The following GABRA2 variants were observed in gnomAD, a reference collection of about 807,000 sequenced individuals.
The protein encoded by GABRA2 is gamma-aminobutyric acid receptor subunit alpha-2.
A neutral mutation model predicts 48.7 loss-of-function variants in GABRA2; 16 were observed. The ratio of observed to expected loss-of-function variants is 0.33; its 90% CI spans 0.22 to 0.50. The LOEUF is 0.50. Among genes scored for constraint, GABRA2 ranks in the 20% least tolerant of loss-of-function variants. The probability of loss-of-function intolerance (pLI) is 0.98; values close to 1 mark genes in which losing one functional copy is unlikely to be tolerated. For synonymous variants in GABRA2, 185 were observed against 184.5 expected, an observed-to-expected ratio of 1.00 and a Z score of -0.02; for missense variants, 275 against 535.6, an observed-to-expected ratio of 0.51 and a Z score of 4.80.
At chr4:46,250,712 T>G (rs766802774) in intron 9 of GABRA2, 108 bp from the exon 10 acceptor site, 1 of 759,550 alleles carries the variant, frequency 1.3e-6, no homozygotes, top group Non-Finnish European at 2.1e-6. Flanking sequence ...CAAATCATCA[T>G]GCATTAGCAA....
At chr4:46,296,655 G>GA (rs113049147) in intron 8 of GABRA2, among the ~76,000 whole-genome samples, 11,173 of 128,160 alleles carry the variant, frequency 0.087, 1,685 homozygotes, top group African/African-American at 0.32. Context: ...TCTATCAGGG[G>GA]GAAAAAAAAA....
intron 8 of GABRA2, among the ~76,000 whole-genome samples, chr4:46,269,039 G>A (rs1382942762): frequency 6.6e-6 from 1 of 151,804 alleles, no homozygotes; most frequent in Non-Finnish European, 1.5e-5. Context: ...AGGCTGTGAG[G>A]TCAGATAAAT....
At chr4:46,348,929 A>G (rs1734650325) in intron 3 of GABRA2, among the ~76,000 whole-genome samples, 1 of 96,882 alleles carries the variant, frequency 1.0e-5, no homozygotes, top group South Asian at 4.3e-4. Context: ...GTATAATAAT[A>G]ATAAAATTTA....
rs1006999319 is a variant in GABRA2 at position 46,247,524 on chromosome 4, A to T, written c.*2784T>A. On this transcript the variant is annotated 3_prime_UTR_variant, in exon 10 of 10. Coordinates refer to ENST00000381620, the MANE Select transcript of GABRA2 (RefSeq NM_000807.4). ...TAAATATTAGTTAAATCAGAGTAGT[A>T]GCTATAAAATAATGAGATTATATCT... Among the ~76,000 whole-genome samples the T allele has an allele frequency of 6.6e-6, 1 of 151,228 alleles. No homozygotes were observed. Among genetic ancestry groups the T allele is most frequent in the African/African-American group, 2.4e-5 (1 of 41,338 alleles).
rs142191271 is a variant in GABRA2, at chr4:46,251,176, G to A, written c.1060-572C>T. Among the ~76,000 whole-genome samples the A allele has an allele frequency of 5.4e-4, 82 of 151,442 alleles. 1 individual carries two copies. The highest frequency in any genetic ancestry group is 5.1e-3 in the East Asian group (26 of 5,098). ...CTTGGATTTTTGCTTAGCTCATCCCGTTTCACTTTATAATCTCTAGTTCCA... is the reference window on the plus strand; with the variant it reads ...CTTGGATTTTTGCTTAGCTCATCCCATTTCACTTTATAATCTCTAGTTCCA... On this transcript the variant is annotated intron_variant, in intron 9 of 9. Transcript: ENST00000381620.
At chr4:46,261,530 G>T (rs1560441965) in intron 9 of GABRA2, 3 of 255,956 alleles carry the variant, frequency 1.2e-5, no homozygotes, top group East Asian at 7.7e-5. Context: ...CAGACAGGTA[G>T]ATCGGAGTTC....
intron 3 of GABRA2, among the ~76,000 whole-genome samples, chr4:46,349,996 T>C (rs1734845580): frequency 6.6e-6 from 1 of 151,928 alleles, no homozygotes; most frequent in South Asian, 2.1e-4. Flanking sequence ...AAAAGGAATT[T>C]ACCACCTATT....
intron 3 of GABRA2, chr4:46,363,943 A>C (rs1004319623): frequency 2.0e-5 from 3 of 152,318 alleles, no homozygotes; most frequent in South Asian, 4.1e-4. Flanking sequence ...AATTGATTAA[A>C]AATGTAACAT....
chr4:46,389,463 A>T, intron 1 of GABRA2: 5 of 921,700 alleles, frequency 5.4e-6, no homozygotes, highest in Non-Finnish European at 6.5e-6. Flanking sequence ...AGGCAGCGGT[A>T]ATCACAGTGA....
rs1714002194 is a variant in GABRA2, at chr4:46,247,882, A to G, written c.*2426T>C. On this transcript the variant is annotated 3_prime_UTR_variant, in exon 10 of 10. Coordinates refer to ENST00000381620, the MANE Select transcript of GABRA2 (RefSeq NM_000807.4). ...AAAGAAGAAGAAATATGTAAAAAGT[A>G]CATCAAAGTTTAAAGAAATAACAAA... Among the ~76,000 whole-genome samples, 1 of 151,336 alleles carries G rather than the reference A, an allele frequency of 6.6e-6. No individual in the cohort carries two copies. Among genetic ancestry groups the G allele is most frequent in the African/African-American group, 2.4e-5 (1 of 41,340 alleles).
At chr4:46,256,599 G>T (rs1019561599) in intron 9 of GABRA2, among the ~76,000 whole-genome samples, 1 of 151,482 alleles carries the variant, frequency 6.6e-6, no homozygotes, top group Non-Finnish European at 1.5e-5. Flanking sequence ...CCAAGAAACT[G>T]AGAATTTGAA....
intron 4 of GABRA2, among the ~76,000 whole-genome samples, chr4:46,330,537 T>C (rs1434052478): frequency 1.4e-5 from 2 of 147,336 alleles, no homozygotes; most frequent in African/African-American, 2.5e-5. Context: ...GAAATAGATA[T>C]GTTTGCATTT....
intron 3 of GABRA2, among the ~76,000 whole-genome samples, chr4:46,362,703 AC>A (rs982353910): frequency 3.8e-4 from 58 of 152,216 alleles, no homozygotes; most frequent in African/African-American, 1.3e-3. Flanking sequence ...ATGTCTCTAA[AC>A]TTTTAATGAC....
chr4:46,296,162 G>A (rs1724621170), intron 8 of GABRA2, among the ~76,000 whole-genome samples: 1 of 152,130 alleles, frequency 6.6e-6, no homozygotes, highest in Non-Finnish European at 1.5e-5. Context: ...TCTCATATAT[G>A]ATACTGTTTT....
chr4:46,386,159 C>T lies in GABRA2; in HGVS notation c.102G>A (p.Glu34=). Residue 34 remains glutamate (E), a synonymous_variant, in exon 3 of 10, where the codon GAG becomes GAA. Transcript: ENST00000381620. ...RLVLANIQED[E]AKNNITIFTR... is the part of the protein sequence containing the mutation. Reference sequence around the variant, plus strand: ...TAAAGATGGTAATGTTATTTTTAGCCTCATCTTCTTGGATGTTAGCCAGCA... The same window carrying T: ...TAAAGATGGTAATGTTATTTTTAGCTTCATCTTCTTGGATGTTAGCCAGCA... 2 of 1,610,678 alleles carry T rather than the reference C, an allele frequency of 1.2e-6. No individual in the cohort carries two copies. The highest frequency in any genetic ancestry group is 1.3e-5 in the African/African-American group (1 of 74,812).
At chr4:46,254,109 C>T (rs1715337237) in intron 9 of GABRA2, among the ~76,000 whole-genome samples, 1 of 151,298 alleles carries the variant, frequency 6.6e-6, no homozygotes, top group Non-Finnish European at 1.5e-5. Flanking sequence ...AAAGAATATC[C>T]ATACCCTAGC....
intron 3 of GABRA2, among the ~76,000 whole-genome samples, chr4:46,378,374 A>C (rs56219444): frequency 1.2e-3 from 178 of 152,108 alleles, no homozygotes; most frequent in Middle Eastern, 3.4e-3. Context: ...ACCCTGTGCT[A>C]TCTGAAACAT....
At chr4:46,342,062 TC>T (rs1733331898) in intron 3 of GABRA2, among the ~76,000 whole-genome samples, 1 of 146,730 alleles carries the variant, frequency 6.8e-6, no homozygotes, top group East Asian at 2.0e-4. Context: ...TTCTGTCAAA[TC>T]CAGTGGCTGC....
At chr4:46,370,545 G>C (rs993073363) in intron 3 of GABRA2, among the ~76,000 whole-genome samples, 2 of 152,084 alleles carry the variant, frequency 1.3e-5, no homozygotes, top group Non-Finnish European at 1.5e-5. Flanking sequence ...TGTAGAGCAA[G>C]ATTTAGAAAC....
Sources: allele counts gnomAD v4.1 joint callset (sites outside exome capture counted in the v4.1 genomes callset), GRCh38; gene constraint gnomAD v4.1.1; transcripts MANE v1.5; gene names NCBI Gene and HGNC (gene_info 2026-07-23, HGNC 2026-07-21).